The following FKBP9 variants were observed in gnomAD, a reference collection of about 807,000 sequenced individuals.
The protein encoded by FKBP9 is FKBP prolyl isomerase 9, also known as peptidyl-prolyl cis-trans isomerase FKBP9.
FKBP9 carries 27 observed loss-of-function variants against 55.6 expected under a neutral mutation model. That is an observed-to-expected ratio of 0.49 (90% CI 0.36 to 0.67). FKBP9 has a LOEUF of 0.67. Ranked by LOEUF, FKBP9 falls within the 30% of genes least tolerant of loss-of-function variation. The probability of loss-of-function intolerance (pLI) is 0.00; values close to 1 mark genes in which losing one functional copy is unlikely to be tolerated. For missense variants in FKBP9, 539 were observed against 742.8 expected (o/e 0.73, Z 3.19); for synonymous variants, 267 against 296.5 (o/e 0.90, Z 1.02).
chr7:33,000,058 C>T (rs1784902817), intron 7 of FKBP9, 57 bp from the exon 8 acceptor site: 3 of 1,603,624 alleles, frequency 1.9e-6, no homozygotes, highest in South Asian at 2.2e-5. Flanking sequence ...CTCATGGGAA[C>T]ACTCTCAGTG....
intron 6 of FKBP9, chr7:32,992,917 C>G (rs1784713152): frequency 1.3e-5 from 3 of 230,600 alleles, no homozygotes; most frequent in Non-Finnish European, 2.6e-5. Context: ...GACTGACTCA[C>G]GTTAACTTCC....
chr7:32,999,280 G>A (rs1394350627), intron 7 of FKBP9, among the ~76,000 whole-genome samples: 1 of 152,144 alleles, frequency 6.6e-6, no homozygotes, highest in Admixed American at 6.5e-5. Flanking sequence ...GTGCTCATGG[G>A]CATCAAGGGG....
intron 6 of FKBP9, among the ~76,000 whole-genome samples, chr7:32,993,599 C>T (rs13308739): frequency 3.9e-5 from 6 of 152,282 alleles, no homozygotes; most frequent in South Asian, 4.1e-4. Context: ...CTGAAGCAGG[C>T]GGATAACCTG....
intron 1 of FKBP9, 40 bp from the exon 2 acceptor site, chr7:32,974,577 T>C: frequency 6.3e-7 from 1 of 1,587,616 alleles, no homozygotes; most frequent in Non-Finnish European, 8.6e-7. Flanking sequence ...AGGGACTATT[T>C]ATACTTTTCT....
chr7:32,965,203 T>C (rs1343155044), intron 1 of FKBP9, among the ~76,000 whole-genome samples: 1 of 152,098 alleles, frequency 6.6e-6, no homozygotes, highest in African/African-American at 2.4e-5. Context: ...GCAGTGGTGC[T>C]CACAGCAACC....
Position 32,961,156 on chromosome 7 carries a change from G to T in FKBP9, c.221+3362G>T, listed in dbSNP as rs534587472. Among the ~76,000 whole-genome samples, 10 of 152,282 alleles carry T rather than the reference G, an allele frequency of 6.6e-5. No homozygotes were observed. In the South Asian group the frequency reaches 1.5e-3, roughly 22 times the overall value. ...CTATATATTTTTGTGTCTGTGTGTG[G>T]GGGAGGTTAGGATGGAATCCTGGTA... On this transcript the variant is annotated intron_variant, in intron 1 of 9. Coordinates refer to ENST00000242209, the MANE Select transcript of FKBP9 (RefSeq NM_007270.5).
intron 1 of FKBP9, among the ~76,000 whole-genome samples, chr7:32,965,845 G>GTACACATATATATATATA (rs1562563036): frequency 1.3e-5 from 1 of 76,760 alleles, no homozygotes; most frequent in African/African-American, 6.5e-5. Flanking sequence ...ATATATATAT[G>GTACACATATATATATATA]TGTGTACAGA....
chr7:32,978,066 C>A (rs1370696888), intron 4 of FKBP9, among the ~76,000 whole-genome samples: 1 of 151,376 alleles, frequency 6.6e-6, no homozygotes, highest in African/African-American at 2.4e-5. Context: ...GGACTACAGG[C>A]GTATGCAACC....
At chr7:32,964,631 A>G (rs1460806281) in intron 1 of FKBP9, among the ~76,000 whole-genome samples, 2 of 152,090 alleles carry the variant, frequency 1.3e-5, no homozygotes, top group Non-Finnish European at 2.9e-5. Context: ...CCTCCTCTGC[A>G]GCGTTCTCAC....
intron 6 of FKBP9, among the ~76,000 whole-genome samples, chr7:32,993,553 G>A (rs190196074): frequency 3.3e-5 from 5 of 152,166 alleles, no homozygotes; most frequent in Admixed American, 6.5e-5. Flanking sequence ...AGCTGGGCGC[G>A]GTGGCTCACG....
At position 32,975,341 on chromosome 7, in the gene FKBP9, C is replaced by G. The variant is rs758324148; in HGVS notation, c.527C>G (p.Thr176Arg). The change falls in exon 3 of 10, where the codon ACG (threonine) becomes AGG (arginine). Residue 176 changes from threonine (T) to arginine (R), a missense_variant. Around this residue, in one of 4 missense-constraint regions of FKBP9, gnomAD observed 236 missense variants for 271.5 expected, o/e 0.87. Transcript: ENST00000242209. ...SDFVRYHYNG[T>R]FLDGTLFDSS... is the part of the protein sequence containing the mutation. ...TTTGTGAGGTACCACTACAACGGGA[C>G]GTTCCTGGACGGAACTCTGTTTGAT... 1 of 1,613,954 alleles carries G rather than the reference C, an allele frequency of 6.2e-7. No individual in the cohort carries two copies. Among genetic ancestry groups the G allele is most frequent in the South Asian group, 1.1e-5 (1 of 91,076 alleles).
intron 1 of FKBP9, among the ~76,000 whole-genome samples, chr7:32,972,218 G>A (rs969517159): frequency 6.6e-6 from 1 of 152,140 alleles, no homozygotes; most frequent in African/African-American, 2.4e-5. Flanking sequence ...GAGGTAGAGG[G>A]TGGAGGTGTA....
At chr7:33,001,512 C>T (rs1583873255) in intron 8 of FKBP9, among the ~76,000 whole-genome samples, 2 of 148,092 alleles carry the variant, frequency 1.4e-5, no homozygotes, top group Admixed American at 1.4e-4. Context: ...TGCAGCCTGG[C>T]GACAGGGCAA....
At chr7:32,993,610 A>C (rs561468352) in intron 6 of FKBP9, among the ~76,000 whole-genome samples, 50 of 152,342 alleles carry the variant, frequency 3.3e-4, no homozygotes, top group African/African-American at 1.2e-3. Flanking sequence ...GGATAACCTG[A>C]GGTCAGGAGT....
At chr7:32,985,577 G>A (rs540414140) in intron 5 of FKBP9, among the ~76,000 whole-genome samples, 1 of 152,300 alleles carries the variant, frequency 6.6e-6, no homozygotes, top group East Asian at 1.9e-4. Flanking sequence ...ATAGCTTGCT[G>A]TATACTGCAC....
chr7:32,962,249 C>T (rs1308841350), intron 1 of FKBP9, among the ~76,000 whole-genome samples: 3 of 152,048 alleles, frequency 2.0e-5, no homozygotes, highest in African/African-American at 7.2e-5. Context: ...AAAAAATTAG[C>T]TGGGTGTGGT....
chr7:32,959,418 C>T (rs1562560471), intron 1 of FKBP9, among the ~76,000 whole-genome samples: 1 of 152,002 alleles, frequency 6.6e-6, no homozygotes, highest in Non-Finnish European at 1.5e-5. Context: ...CAAAACAAAA[C>T]AAAAAACAAA....
rs1178498215 is a variant in FKBP9 at position 32,982,926 on chromosome 7, T to C, written c.893+2373T>C. 2.6e-5 allele frequency among the ~76,000 whole-genome samples: 4 copies of C among 152,072 alleles called. No homozygotes were observed. In the East Asian group the frequency reaches 7.7e-4, roughly 29 times the overall value. ...TTATTTTTGTAGGGAAATCTTAAAA[T>C]ATATGATTAATTGTTTCCCTGGGAT... On this transcript the variant is annotated intron_variant, in intron 5 of 9. Coordinates refer to ENST00000242209, the MANE Select transcript of FKBP9 (RefSeq NM_007270.5).
intron 5 of FKBP9, among the ~76,000 whole-genome samples, chr7:32,987,435 C>T (rs2127985428): frequency 6.7e-6 from 1 of 149,916 alleles, no homozygotes; most frequent in East Asian, 2.0e-4. Flanking sequence ...GTTGAGGCTG[C>T]AGTGAGCTGA....
Sources: gnomAD v4.1 joint callset for allele counts (sites outside exome capture counted in the v4.1 genomes callset) on GRCh38, gnomAD v4.1.1 for gene constraint, gnomAD v4.1.1 regional missense constraint, MANE v1.5 for transcripts, NCBI Gene and HGNC (gene_info 2026-07-23, HGNC 2026-07-21) for gene names.